Variants in MEGF10 observed in about 807,000 individuals in gnomAD.
MEGF10 encodes the protein multiple epidermal growth factor-like domains protein 10.
A neutral mutation model predicts 147.5 loss-of-function variants in MEGF10; 86 were observed. The ratio of observed to expected loss-of-function variants is 0.58; its 90% CI spans 0.49 to 0.70. The LOEUF (loss-of-function observed/expected upper bound fraction) is 0.70. MEGF10 is among the 30% of genes least tolerant of loss of function. The pLI, the probability that MEGF10 is intolerant of heterozygous loss-of-function variation, is 0.00. For missense variants in MEGF10, 1,329 were observed against 1,487.3 expected (o/e 0.89, Z 1.75); for synonymous variants, 478 against 525.5 (o/e 0.91, Z 1.24).
intron 5 of MEGF10, among the ~76,000 whole-genome samples, chr5:127,388,231 C>T (rs1305161177): frequency 6.6e-6 from 1 of 152,082 alleles, no homozygotes; most frequent in Non-Finnish European, 1.5e-5. Flanking sequence ...TCACTGCAGC[C>T]TCGACCTCCT....
intron 2 of MEGF10, among the ~76,000 whole-genome samples, chr5:127,332,417 T>G (rs1176303684): frequency 6.6e-6 from 1 of 152,188 alleles, no homozygotes; most frequent in Non-Finnish European, 1.5e-5. Flanking sequence ...AGAGCACACA[T>G]TCTAATCACC....
chr5:127,367,320 G>C (rs545364825), intron 4 of MEGF10, among the ~76,000 whole-genome samples: 1 of 152,234 alleles, frequency 6.6e-6, no homozygotes, highest in African/African-American at 2.4e-5. Context: ...CCAGCTTCTT[G>C]CTAGATGAAT....
At chr5:127,376,913 G>C (rs1763054194) in intron 5 of MEGF10, among the ~76,000 whole-genome samples, 1 of 152,166 alleles carries the variant, frequency 6.6e-6, no homozygotes, top group Admixed American at 6.5e-5. Flanking sequence ...GGGGCTAACG[G>C]AAGTTGGAAA....
At chr5:127,275,681 G>A in the MEGF10 span, among the ~76,000 whole-genome samples, 4 of 152,276 alleles carry the variant, frequency 2.6e-5, no homozygotes, top group African/African-American at 9.6e-5. Context: ...CAGGCTTCTG[G>A]CCTCTGCACT....
intron 4 of MEGF10, among the ~76,000 whole-genome samples, chr5:127,349,508 C>A (rs1006263279): frequency 6.6e-6 from 1 of 152,110 alleles, no homozygotes; most frequent in Non-Finnish European, 1.5e-5. Flanking sequence ...CCCCTACCCA[C>A]CTCCAGCCCT....
chr5:127,340,270 GAT>G (rs921064246), intron 3 of MEGF10, among the ~76,000 whole-genome samples: 3 of 152,114 alleles, frequency 2.0e-5, no homozygotes, highest in African/African-American at 7.2e-5. Flanking sequence ...ATGATGCTTT[GAT>G]GGGTATCATA....
At chr5:127,335,539 T>G (rs976445496) in intron 2 of MEGF10, among the ~76,000 whole-genome samples, 1 of 152,086 alleles carries the variant, frequency 6.6e-6, no homozygotes, top group Non-Finnish European at 1.5e-5. Context: ...TTCCAGAAAA[T>G]GGACCCCTTG....
intron 1 of MEGF10, among the ~76,000 whole-genome samples, chr5:127,331,052 G>A (rs1761235994): frequency 6.6e-6 from 1 of 152,108 alleles, no homozygotes; most frequent in Non-Finnish European, 1.5e-5. Context: ...TGTTCTTGTG[G>A]CAATTGATGA....
chr5:127,436,243 T>A (rs73348729), intron 16 of MEGF10, among the ~76,000 whole-genome samples: 9,585 of 152,262 alleles, frequency 0.063, 1,037 homozygotes, highest in African/African-American at 0.22. Context: ...TCATTTTACA[T>A]GGTGCTTTAT....
intron 8 of MEGF10, among the ~76,000 whole-genome samples, chr5:127,407,223 G>T (rs1318518567): frequency 6.6e-6 from 1 of 152,114 alleles, no homozygotes; most frequent in African/African-American, 2.4e-5. Flanking sequence ...ATGTTAGAAA[G>T]GTAGGCAGCT....
At chr5:127,312,644 T>G (rs1341140990) in intron 1 of MEGF10, among the ~76,000 whole-genome samples, 1 of 152,232 alleles carries the variant, frequency 6.6e-6, no homozygotes, top group African/African-American at 2.4e-5. Context: ...TTATGTTCTT[T>G]CTGGGTTGTG....
chr5:127,455,660 T>C (rs1008947878), intron 24 of MEGF10, 53 bp downstream of exon 24: 1 of 1,457,234 alleles, frequency 6.9e-7, no homozygotes, highest in Non-Finnish European at 9.5e-7. Flanking sequence ...TTAAAAACAA[T>C]TTTAAAGTCT....
chr5:127,272,701 A>G, the MEGF10 span, among the ~76,000 whole-genome samples: 2 of 152,000 alleles, frequency 1.3e-5, no homozygotes. Context: ...TTGTGAATGG[A>G]AGTTCATTCA....
At chr5:127,278,604 C>G in the MEGF10 span, among the ~76,000 whole-genome samples, 2 of 151,870 alleles carry the variant, frequency 1.3e-5, no homozygotes, top group African/African-American at 4.8e-5. Flanking sequence ...TTGGGAGGCC[C>G]AAGGGAAAGA....
At chr5:127,345,853 C>A (rs56227803) in intron 4 of MEGF10, among the ~76,000 whole-genome samples, 2 of 152,148 alleles carry the variant, frequency 1.3e-5, no homozygotes, top group African/African-American at 4.8e-5. Context: ...CCACCTCCCA[C>A]GCTTTCCCTT....
At chr5:127,251,225 G>T in the MEGF10 span, among the ~76,000 whole-genome samples, 2 of 152,004 alleles carry the variant, frequency 1.3e-5, no homozygotes, top group South Asian at 4.1e-4. Context: ...TAGGGTTTGC[G>T]CAGGTATAGG....
chr5:127,442,914 C>G, intron 18 of MEGF10, 84 bp from the exon 19 acceptor site: 1 of 1,454,058 alleles, frequency 6.9e-7, no homozygotes, highest in Non-Finnish European at 9.4e-7. Context: ...GGACTCAGCT[C>G]TAGATGTGCA....
intron 4 of MEGF10, among the ~76,000 whole-genome samples, chr5:127,346,970 T>G (rs975646026): frequency 6.6e-6 from 1 of 152,104 alleles, no homozygotes; most frequent in Non-Finnish European, 1.5e-5. Flanking sequence ...AAAGGTATTT[T>G]TATACAACAT....
intron 5 of MEGF10, among the ~76,000 whole-genome samples, chr5:127,373,988 A>G (rs963117079): frequency 3.9e-5 from 6 of 152,172 alleles, no homozygotes; most frequent in African/African-American, 1.4e-4. Flanking sequence ...CTCTTCATGG[A>G]AAAGTCTCAC....
Sources: allele counts gnomAD v4.1 joint callset (sites outside exome capture counted in the v4.1 genomes callset), GRCh38; gene constraint gnomAD v4.1.1; transcripts MANE v1.5; gene names NCBI Gene and HGNC (gene_info 2026-07-23, HGNC 2026-07-21).